CNIH3: variants seen among roughly 807,000 people sequenced by gnomAD.
The protein encoded by CNIH3 is protein cornichon homolog 3.
CNIH3 carries 14 observed loss-of-function variants against 24.1 expected under a neutral mutation model. That is an observed-to-expected ratio of 0.58 (90% CI 0.38 to 0.91). CNIH3 has a LOEUF of 0.91. Ranked by LOEUF, CNIH3 falls within the 40% of genes least tolerant of loss-of-function variation. The probability of loss-of-function intolerance (pLI) is 0.00; values close to 1 mark genes in which losing one functional copy is unlikely to be tolerated. For missense variants in CNIH3, 178 were observed against 196.8 expected (o/e 0.90, Z 0.57); for synonymous variants, 68 against 73.8 (o/e 0.92, Z 0.40).
At chr1:224,538,661 C>T (rs1003959854), downstream of CNIH3, among the ~76,000 whole-genome samples, 1 of 147,766 alleles carries the variant, frequency 6.8e-6, no homozygotes, top group East Asian at 1.9e-4. Context: ...CTCTCTCTCT[C>T]TCTTTTTTTT....
chr1:224,542,428 C>G (rs562182147), downstream of CNIH3, among the ~76,000 whole-genome samples: 1 of 152,168 alleles, frequency 6.6e-6, no homozygotes, highest in Non-Finnish European at 1.5e-5. Context: ...GGAAATGGAA[C>G]TGAAAACCAG....
chr1:224,458,961 T>C lies in CNIH3; in HGVS notation n.203+24099T>C, dbSNP rs895553405. Among the ~76,000 whole-genome samples the C allele has an allele frequency of 2.0e-5, 3 of 152,196 alleles. No individual in the cohort carries two copies. The highest frequency in any genetic ancestry group is 4.4e-5 in the Non-Finnish European group (3 of 68,036). ...AGAAAAGGGGAAAATTTAAGCACCATACTGTTATGTGGTCCTTGTACCCAG... is the reference window on the plus strand; with the variant it reads ...AGAAAAGGGGAAAATTTAAGCACCACACTGTTATGTGGTCCTTGTACCCAG... On this transcript the variant is annotated intron_variant and non_coding_transcript_variant, in intron 1 of 5. Coordinates refer to the CNIH3 transcript ENST00000471578. The surrounding 1 kb of genome is among the most constrained non-coding windows in gnomAD (Gnocchi z 4.3).
intron 1 of CNIH3, among the ~76,000 whole-genome samples, chr1:224,506,398 TC>T (rs1449820214): frequency 6.6e-6 from 1 of 152,184 alleles, no homozygotes; most frequent in Non-Finnish European, 1.5e-5. Flanking sequence ...CTTCCCTCCT[TC>T]CTCCTTCAGC....
At chr1:224,475,296 C>T (rs1676539106) in intron 1 of CNIH3, among the ~76,000 whole-genome samples, 2 of 147,940 alleles carry the variant, frequency 1.4e-5, no homozygotes, top group Admixed American at 6.9e-5. Flanking sequence ...GCGGAGCTTG[C>T]AGTGAACCGA....
intron 4 of CNIH3, among the ~76,000 whole-genome samples, chr1:224,577,440 G>A (rs1681082208): frequency 6.6e-6 from 1 of 151,922 alleles, no homozygotes. Context: ...ATATACTAAT[G>A]CCCAACACGA....
rs145446027 is a variant in CNIH3 at position 224,474,696 on chromosome 1, T to G, written n.203+39834T>G. 9.5e-4 allele frequency among the ~76,000 whole-genome samples: 144 copies of G among 151,962 alleles called. 2 individuals carry two copies. In the East Asian group the frequency reaches 0.023, roughly 24 times the overall value. ...TCTGAAAAGATAAAATTGACAAACCTTTATCCAGACTAAGAAAAAAAGAAA... is the reference window on the plus strand; with the variant it reads ...TCTGAAAAGATAAAATTGACAAACCGTTATCCAGACTAAGAAAAAAAGAAA... On this transcript the variant is annotated intron_variant and non_coding_transcript_variant, in intron 1 of 5. Coordinates refer to the CNIH3 transcript ENST00000471578.
intron 1 of CNIH3, among the ~76,000 whole-genome samples, chr1:224,625,221 C>T (rs896389259): frequency 1.3e-5 from 2 of 152,136 alleles, no homozygotes; most frequent in Non-Finnish European, 2.9e-5. Flanking sequence ...CCCAGACTTA[C>T]CTGGTTATGA....
rs149731685 is a variant in CNIH3 at position 224,528,319 on chromosome 1, AT to A, written n.343+6995del. On this transcript the variant is annotated intron_variant and non_coding_transcript_variant, in intron 2 of 2. Transcript: ENST00000470602. ...CTATTTTTTGAAATTTTATTTACTT[AT>A]TTATTTATGTATTTTTAAGAGACAA... 9.9e-4 allele frequency among the ~76,000 whole-genome samples: 151 copies of A among 152,252 alleles called. 1 individual carries two copies. The East Asian group carries it at 0.025, about 25-fold the overall frequency.
intron 4 of CNIH3, among the ~76,000 whole-genome samples, chr1:224,568,347 T>G (rs1038199086): frequency 6.6e-6 from 1 of 152,092 alleles, no homozygotes; most frequent in Non-Finnish European, 1.5e-5. Flanking sequence ...AGAAGAAGAA[T>G]GGGCACCTAA....
chr1:224,477,808 A>C (rs1172152363), intron 1 of CNIH3, among the ~76,000 whole-genome samples: 1 of 152,140 alleles, frequency 6.6e-6, no homozygotes, highest in African/African-American at 2.4e-5. Context: ...TTTTCCTTTC[A>C]GGCTGCAGAA....
chr1:224,434,943 C>T (rs1674577050), intron 1 of CNIH3: 6 of 985,444 alleles, frequency 6.1e-6, no homozygotes, highest in South Asian at 4.7e-5. Context: ...GGCCAGCGGG[C>T]CGGCGGGGTC....
chr1:224,558,618 A>G (rs530248595), intron 3 of CNIH3, among the ~76,000 whole-genome samples: 1 of 152,348 alleles, frequency 6.6e-6, no homozygotes, highest in Admixed American at 6.5e-5. Context: ...ACTGGAGTAA[A>G]CTGCTCCCAC....
chr1:224,624,494 G>A (rs1337908447), intron 1 of CNIH3, among the ~76,000 whole-genome samples: 1 of 152,034 alleles, frequency 6.6e-6, no homozygotes, highest in African/African-American at 2.4e-5. Context: ...AGCCCCAGTG[G>A]GTTTAGTCTT....
intron 3 of CNIH3, among the ~76,000 whole-genome samples, chr1:224,564,882 C>G (rs1028334423): frequency 6.6e-6 from 1 of 152,240 alleles, no homozygotes; most frequent in African/African-American, 2.4e-5. Flanking sequence ...TGGCTCCTGA[C>G]AGGCCTCTGG....
intron 1 of CNIH3, among the ~76,000 whole-genome samples, chr1:224,643,181 T>C (rs566444846): frequency 1.3e-5 from 2 of 152,262 alleles, no homozygotes; most frequent in Non-Finnish European, 2.9e-5. Flanking sequence ...AACTATCAAA[T>C]ACCTGCCGAG....
chr1:224,630,709 A>G (rs1464034565), intron 1 of CNIH3, among the ~76,000 whole-genome samples: 1 of 152,098 alleles, frequency 6.6e-6, no homozygotes, highest in African/African-American at 2.4e-5. Context: ...CATTTATTCA[A>G]CCATCATTTG....
At chr1:224,723,205 G>A (rs928270432) in intron 3 of CNIH3, among the ~76,000 whole-genome samples, 2 of 152,210 alleles carry the variant, frequency 1.3e-5, no homozygotes, top group African/African-American at 4.8e-5. Context: ...CGAAGGCAGT[G>A]TCTGGAGCAT....
chr1:224,475,288 G>A (rs528799113), intron 1 of CNIH3, among the ~76,000 whole-genome samples: 6 of 151,244 alleles, frequency 4.0e-5, no homozygotes, highest in South Asian at 2.1e-4. Flanking sequence ...CCCAGGAGGC[G>A]GAGCTTGCAG....
chr1:224,472,871 T>G (rs1207189168), intron 1 of CNIH3, among the ~76,000 whole-genome samples: 1 of 152,198 alleles, frequency 6.6e-6, no homozygotes, highest in Admixed American at 6.5e-5. Context: ...TCTGGACAAC[T>G]ATATTTATAA....
Sources: allele counts gnomAD v4.1 joint callset (sites outside exome capture counted in the v4.1 genomes callset), GRCh38; gene constraint gnomAD v4.1.1; non-coding constraint Gnocchi (gnomAD v3.1); transcripts MANE v1.5; gene names NCBI Gene and HGNC (gene_info 2026-07-23, HGNC 2026-07-21).